The following NPEPPS variants were observed in gnomAD, a reference collection of about 807,000 sequenced individuals.
NPEPPS encodes aminopeptidase puromycin sensitive.
A neutral mutation model predicts 115.5 loss-of-function variants in NPEPPS; 14 were observed. That is an observed-to-expected ratio of 0.12 (90% CI 0.08 to 0.19). The LOEUF (loss-of-function observed/expected upper bound fraction) is 0.19. Among genes scored for constraint, NPEPPS ranks in the 10% least tolerant of loss-of-function variants. NPEPPS has a pLI of 1.00. For missense variants in NPEPPS, 523 were observed against 1,110.8 expected (o/e 0.47, Z 7.52); for synonymous variants, 285 against 390.6 (o/e 0.73, Z 3.19).
intron 3 of NPEPPS, among the ~76,000 whole-genome samples, chr17:47,574,529 CTG>C (rs1453431933): frequency 1.3e-5 from 2 of 152,170 alleles, no homozygotes; most frequent in African/African-American, 4.8e-5. Flanking sequence ...ACGACATAAT[CTG>C]TGCCAAGTAC....
rs533101833 is a variant in NPEPPS at position 47,563,549 on chromosome 17, A to G, written c.341-5868A>G. Among the ~76,000 whole-genome samples, 250 of 152,232 alleles carry G rather than the reference A, an allele frequency of 1.6e-3. 1 individual carries two copies. The highest frequency in any genetic ancestry group is 2.8e-3 in the Admixed American group (43 of 15,290). Reference sequence around the variant, plus strand: ...TGCAGTTGGATCAATAAAGAACTGTAAGGTGTGTTATGATCTAGAAAAGTG... The same window carrying G: ...TGCAGTTGGATCAATAAAGAACTGTGAGGTGTGTTATGATCTAGAAAAGTG... On this transcript the variant is annotated intron_variant, in intron 2 of 22. Transcript: ENST00000322157.
intron 17 of NPEPPS, among the ~76,000 whole-genome samples, chr17:47,611,463 A>AG (rs1913868929): frequency 6.6e-6 from 1 of 151,162 alleles, no homozygotes; most frequent in Admixed American, 6.6e-5. Context: ...CATCTCAAAA[A>AG]AAAAAAAAAA....
intron 1 of NPEPPS, among the ~76,000 whole-genome samples, chr17:47,523,368 T>A (rs551250340): frequency 6.7e-6 from 1 of 150,268 alleles, no homozygotes; most frequent in Non-Finnish European, 1.5e-5. Context: ...TACTTCAACT[T>A]TTTACTAGTC....
chr17:47,604,643 C>T (rs1000597998), intron 16 of NPEPPS, among the ~76,000 whole-genome samples: 1 of 152,182 alleles, frequency 6.6e-6, no homozygotes, highest in Admixed American at 6.5e-5. Context: ...TTTCCCTCCC[C>T]TCTGCAGTCA....
At chr17:47,596,085 C>A in intron 12 of NPEPPS, 1 of 221,534 alleles carries the variant, frequency 4.5e-6, no homozygotes, top group South Asian at 7.4e-5. Flanking sequence ...TCTGGGAGGT[C>A]GAGGCTGCAG....
intron 11 of NPEPPS, 28 bp downstream of exon 11, chr17:47,592,088 C>T (rs757834252): frequency 8.5e-5 from 115 of 1,358,410 alleles, no homozygotes; most frequent in Middle Eastern, 1.8e-4. Context: ...ATATTTCATT[C>T]TTTTATGGTG....
intron 19 of NPEPPS, among the ~76,000 whole-genome samples, chr17:47,613,982 T>A (rs183128642): frequency 0.068 from 9,830 of 145,538 alleles, 431 homozygotes; most frequent in Middle Eastern, 0.25. Context: ...TATTATTATT[T>A]TTTTTTTTTT....
chr17:47,531,232 G>A lies in NPEPPS; in HGVS notation c.-69G>A, dbSNP rs1347905850. 2.3e-6 allele frequency: 3 copies of A among 1,303,840 alleles called. No homozygotes were observed. Among genetic ancestry groups the A allele is most frequent in the African/African-American group, 1.5e-5 (1 of 65,148 alleles). The allele number at this position is 1,303,840 out of a possible 1,614,324, so 80.8% of individuals were successfully genotyped here. ...CTCCTTCCCAGCCCCTAGCGCTCCG[G>A]CTGGGTCTCTCCCCCGCCCCCCAGG... On this transcript the variant is annotated 5_prime_UTR_variant, in exon 1 of 23. Coordinates refer to ENST00000322157, the MANE Select transcript of NPEPPS (RefSeq NM_006310.4).
chr17:47,578,215 AAAG>A (rs751197466), intron 3 of NPEPPS, among the ~76,000 whole-genome samples: 1 of 123,344 alleles, frequency 8.1e-6, no homozygotes, highest in Non-Finnish European at 1.9e-5. Context: ...AAAAAAAAAA[AAAG>A]AGAGAAAGTC....
At chr17:47,533,433 C>T (rs1235495382) in intron 1 of NPEPPS, among the ~76,000 whole-genome samples, 1 of 151,596 alleles carries the variant, frequency 6.6e-6, no homozygotes, top group East Asian at 1.9e-4. Flanking sequence ...AGTAGTGTGT[C>T]TTGTGACTTG....
Position 47,618,423 on chromosome 17 carries a change from A to G in NPEPPS, c.2369A>G (p.Asp790Gly). 6.2e-7 allele frequency: 1 copy of G among 1,613,868 alleles called. No homozygotes were observed. The highest frequency in any genetic ancestry group is 8.5e-7 in the Non-Finnish European group (1 of 1,179,808). Residue 790 changes from aspartate (D) to glycine (G), a missense_variant, in exon 20 of 23, where the codon GAC becomes GGC. By Grantham distance (94) the Asp-to-Gly change is moderately conservative. Transcript: ENST00000322157. ...ERVLGATLLP[D>G]LIQKVLTFAL... ...GTCCTTGGCGCTACTCTTTTGCCTG[A>G]CCTGATTCAAAAAGTCCTCACGTTT...
Position 47,549,126 on chromosome 17 carries a change from T to G in NPEPPS, c.340+3133T>G, listed in dbSNP as rs193230321. On this transcript the variant is annotated intron_variant, in intron 2 of 22. Coordinates refer to ENST00000322157, the MANE Select transcript of NPEPPS (RefSeq NM_006310.4). Reference sequence around the variant, plus strand: ...TTGGGAGGCTGTGGCGGGTGGATCATGACGTCAGAAGTTCAAGACCAGCCT... The same window carrying G: ...TTGGGAGGCTGTGGCGGGTGGATCAGGACGTCAGAAGTTCAAGACCAGCCT... Among the ~76,000 whole-genome samples the G allele has an allele frequency of 2.4e-3, 368 of 151,146 alleles. 2 individuals carry two copies. The highest frequency in any genetic ancestry group is 0.014 in the Middle Eastern group (4 of 286).
At chr17:47,547,144 A>G (rs1267523949) in intron 2 of NPEPPS, among the ~76,000 whole-genome samples, 1 of 152,340 alleles carries the variant, frequency 6.6e-6, no homozygotes, top group East Asian at 1.9e-4. Context: ...TTACAGGGGA[A>G]GAACATGCTA....
chr17:47,534,986 T>C (rs1280574325), intron 1 of NPEPPS, among the ~76,000 whole-genome samples: 1 of 151,810 alleles, frequency 6.6e-6, no homozygotes, highest in Non-Finnish European at 1.5e-5. Context: ...GGCTCACACC[T>C]GTAATCCCAG....
chr17:47,600,952 G>C (rs990333880), intron 14 of NPEPPS, among the ~76,000 whole-genome samples: 1 of 152,208 alleles, frequency 6.6e-6, no homozygotes, highest in Admixed American at 6.5e-5. Flanking sequence ...GCTGGGCGCA[G>C]TGGCTTATAC....
chr17:47,529,176 A>G (rs1393135278), upstream of NPEPPS, among the ~76,000 whole-genome samples: 2 of 152,212 alleles, frequency 1.3e-5, no homozygotes, highest in Non-Finnish European at 2.9e-5. Context: ...ATAAAGAAAT[A>G]TGAAGATTAT....
intron 18 of NPEPPS, 61 bp downstream of exon 18, chr17:47,612,663 CTTTT>C (rs35841962): frequency 1.7e-3 from 1,832 of 1,086,992 alleles, no homozygotes; most frequent in Middle Eastern, 2.1e-3. Flanking sequence ...AAGCATGGAA[CTTTT>C]TTTTTTTTTT....
chr17:47,582,279 T>A (rs1414498120), intron 4 of NPEPPS: 1 of 208,910 alleles, frequency 4.8e-6, no homozygotes, highest in African/African-American at 2.4e-5. Flanking sequence ...TTCCCATTGC[T>A]GCCATTCCAG....
intron 2 of NPEPPS, among the ~76,000 whole-genome samples, chr17:47,565,529 G>A (rs890967206): frequency 6.9e-6 from 1 of 144,286 alleles, no homozygotes; most frequent in Non-Finnish European, 1.5e-5. Context: ...AAAAAAAAAG[G>A]TGATTCGAGG....
Sources: allele counts gnomAD v4.1 joint callset (sites outside exome capture counted in the v4.1 genomes callset), GRCh38; gene constraint gnomAD v4.1.1; transcripts MANE v1.5; gene names NCBI Gene and HGNC (gene_info 2026-07-23, HGNC 2026-07-21).